ZNF511: variants seen among roughly 807,000 people sequenced by gnomAD.
ZNF511 encodes zinc finger protein 511.
Under a neutral mutation model 24.8 loss-of-function variants are expected in ZNF511, and 26 were observed. That is an observed-to-expected ratio of 1.05 (90% CI 0.77 to 1.46). The LOEUF (loss-of-function observed/expected upper bound fraction) is 1.46. ZNF511 is among the 40% of genes most tolerant of loss of function. The pLI, the probability that ZNF511 is intolerant of heterozygous loss-of-function variation, is 0.00. For synonymous variants in ZNF511, 144 were observed against 139.6 expected, an observed-to-expected ratio of 1.03 and a Z score of -0.22; for missense variants, 358 against 345.0, an observed-to-expected ratio of 1.04 and a Z score of -0.30.
chr10:133,312,072 AC>A, intron 5 of ZNF511: 7 of 1,464,638 alleles, frequency 4.8e-6, no homozygotes, highest in Non-Finnish European at 6.3e-6. Context: ...AATGCCAAGC[AC>A]CACTCACTTT....
At chr10:133,312,621 G>T (rs1848017310) in intron 5 of ZNF511, 167 bp from the exon 6 acceptor site, 32 of 1,513,444 alleles carry the variant, frequency 2.1e-5, no homozygotes, top group South Asian at 4.0e-5. Context: ...CAGGAACTAG[G>T]TCTCAGGCTG....
At chr10:133,310,050 C>T (rs367565498) in intron 3 of ZNF511, 73 bp downstream of exon 3, 26 of 1,608,914 alleles carry the variant, frequency 1.6e-5, no homozygotes, top group Admixed American at 1.2e-4. Context: ...CCCCAGCTCT[C>T]GGGTGCTCGG....
rs570768528 is a variant in ZNF511 at position 133,309,572 on chromosome 10, G to A, written c.227+109G>A. 5.2e-5 allele frequency: 71 copies of A among 1,355,992 alleles called. No homozygotes were observed. The East Asian group carries it at 1.6e-3, about 30-fold the overall frequency. 84.0% of individuals were successfully genotyped at this position (1,355,992 alleles called of 1,614,324 possible). A position where few individuals can be genotyped will look rare whatever the true frequency, so the allele number is the denominator to read the frequency against. ...CTCTTCCATGTGCGGCCGCCCCACCGAGGCGCTGTGCCTGTCCAGCTTTGG... is the reference window on the plus strand; with the variant it reads ...CTCTTCCATGTGCGGCCGCCCCACCAAGGCGCTGTGCCTGTCCAGCTTTGG... On this transcript the variant is annotated intron_variant, in intron 2 of 5. Transcript: ENST00000361518.
chr10:133,309,821 C>T lies in ZNF511; in HGVS notation c.273C>T (p.Phe91=), dbSNP rs763491007. 1.6e-5 allele frequency: 26 copies of T among 1,613,450 alleles called. No homozygotes were observed. The South Asian group carries it at 2.3e-4, about 14-fold the overall frequency. Residue 91 remains phenylalanine (F), a synonymous_variant, in exon 3 of 6, where the codon TTC becomes TTT. Transcript: ENST00000361518. Reference sequence around the variant, plus strand: ...AGGTGGCCGGCTGCTGCCAGGTGTTCGATGCCCTGGACGACTACGAGCACC... The same window carrying T: ...AGGTGGCCGGCTGCTGCCAGGTGTTTGATGCCCTGGACGACTACGAGCACC... The part of the protein sequence containing the change: ...ACQVAGCCQV[F]DALDDYEHHY...
At chr10:133,309,129 A>G (rs745565613) in intron 1 of ZNF511, 33 bp downstream of exon 1, 1 of 1,359,302 alleles carries the variant, frequency 7.4e-7, no homozygotes, top group Non-Finnish European at 9.5e-7. Context: ...AAGTAGTTGT[A>G]GGATCCAGTG....
At chr10:133,309,219 A>T (rs1847924125) in intron 1 of ZNF511, 123 bp downstream of exon 1, 2 of 1,239,836 alleles carry the variant, frequency 1.6e-6, no homozygotes, top group Non-Finnish European at 2.1e-6. Context: ...AGCCTGGGAC[A>T]GGCGGGACCT....
At chr10:133,312,124 G>C in intron 5 of ZNF511, 1 of 1,440,236 alleles carries the variant, frequency 6.9e-7, no homozygotes, top group African/African-American at 1.4e-5. Flanking sequence ...CTCACTTGCA[G>C]TTGCTTCAGT....
chr10:133,310,644 C>T, intron 4 of ZNF511: 1 of 311,182 alleles, frequency 3.2e-6, no homozygotes. Context: ...CCCCTCGGGG[C>T]CGTGTCTGTA....
At chr10:133,309,298 G>T in intron 1 of ZNF511, 92 bp from the exon 2 acceptor site, 1 of 1,475,254 alleles carries the variant, frequency 6.8e-7, no homozygotes, top group South Asian at 1.2e-5. Context: ...ACCGGAGCGC[G>T]GGATGACTGG....
In ZNF511 at chr10:133,311,839, T is replaced by C; in HGVS notation, c.678T>C (p.His226=). Residue 226 remains histidine (H), a splice_region_variant and synonymous_variant, in exon 5 of 6, where the codon CAT becomes CAC. Transcript: ENST00000361518. ...APAGERRIYR[H]RIPSTICFGQ... The stretch of plus-strand genomic sequence containing the variant: ...CAGGTGAGAGGCGGATCTACAGACA[T>C]AGGTCAGTGTCTGAGCTCTTTCTGA... 1.2e-6 allele frequency: 2 copies of C among 1,613,338 alleles called. No individual in the cohort carries two copies. Among genetic ancestry groups the C allele is most frequent in the Non-Finnish European group, 1.7e-6 (2 of 1,180,034 alleles).
intron 4 of ZNF511, 35 bp downstream of exon 4, chr10:133,310,323 T>C (rs1359913956): frequency 6.2e-7 from 1 of 1,611,528 alleles, no homozygotes; most frequent in African/African-American, 1.3e-5. Flanking sequence ...GTGTCTGCTT[T>C]TGATTTTAGG....
Position 133,310,182 on chromosome 10 carries a change from G to A in ZNF511, c.448G>A (p.Gly150Ser), listed in dbSNP as rs1847957600. Residue 150 changes from glycine (G) to serine (S), a missense_variant, in exon 4 of 6, where the codon GGC becomes AGC. Coordinates refer to ENST00000361518, the MANE Select transcript of ZNF511 (RefSeq NM_145806.4). Reference sequence around the variant, plus strand: ...ATTTCAGTATCAGTGCTTGGTAGAAGGCTGCACAGAGAAGTTCAAGACCAG... The same window carrying A: ...ATTTCAGTATCAGTGCTTGGTAGAAAGCTGCACAGAGAAGTTCAAGACCAG... ...RQDMYQCLVE[G>S]CTEKFKTSRD... 1.2e-6 allele frequency: 2 copies of A among 1,613,986 alleles called. No homozygotes were observed. The highest frequency in any genetic ancestry group is 1.1e-5 in the South Asian group (1 of 91,084).
Position 133,310,298 on chromosome 10 carries a change from C to T in ZNF511, c.554+10C>T, listed in dbSNP as rs746442347. Reference sequence around the variant, plus strand: ...CAAAGAAAAGCAGAAGGTAGGGAGCCGCCAGGCTCAGCACGTGTCTGCTTT... The same window carrying T: ...CAAAGAAAAGCAGAAGGTAGGGAGCTGCCAGGCTCAGCACGTGTCTGCTTT... On this transcript the variant is annotated intron_variant, in intron 4 of 5. Coordinates refer to ENST00000361518, the MANE Select transcript of ZNF511 (RefSeq NM_145806.4). 28 of 1,613,754 alleles carry T rather than the reference C, an allele frequency of 1.7e-5. No homozygotes were observed. Among genetic ancestry groups the T allele is most frequent in the Middle Eastern group, 3.3e-4 (2 of 6,062 alleles).
chr10:133,312,828 G>T lies in ZNF511; in HGVS notation c.721G>T (p.Gly241Ter). 6.2e-7 allele frequency: 1 copy of T among 1,614,232 alleles called. No individual in the cohort carries two copies. The highest frequency in any genetic ancestry group is 1.1e-5 in the South Asian group (1 of 91,088). Residue 241 changes from glycine (G) to a stop codon, truncating the protein, a stop_gained, in exon 6 of 6, where the codon GGA becomes TGA. Transcript: ENST00000361518. LOFTEE classifies it high-confidence loss of function. Reference protein sequence around the residue: ...TICFGQGAARGFKSNKKKTKQ... With the variant: ...TICFGQGAAR ...CTGCTTTGGTCAGGGTGCCGCTCGA[G>T]GATTTAAAAGCAACAAGAAGAAAAC...
In ZNF511 at chr10:133,312,967, C is replaced by CCCTCGCCAT. The variant is rs1848025241; in HGVS notation, c.*106_*114dup. 2 of 1,580,578 alleles carry CCCTCGCCAT rather than the reference C, an allele frequency of 1.3e-6. No homozygotes were observed. The highest frequency in any genetic ancestry group is 1.3e-5 in the African/African-American group (1 of 74,164). ...TGGTGTGGCCGCCCTGGGGGCCAGGCCCTCGCCATCCTCCCCATCCTTGTT... is the reference window on the plus strand; with the variant it reads ...TGGTGTGGCCGCCCTGGGGGCCAGGCCCTCGCCATCCTCGCCATCCTCCCCATCCTTGTT... On this transcript the variant is annotated 3_prime_UTR_variant, in exon 6 of 6. Coordinates refer to ENST00000361518, the MANE Select transcript of ZNF511 (RefSeq NM_145806.4).
rs1209947679 is a variant in ZNF511, at chr10:133,308,916, C to T, written c.-28C>T. 3 of 1,212,446 alleles carry T rather than the reference C, an allele frequency of 2.5e-6. No individual in the cohort carries two copies. The highest frequency in any genetic ancestry group is 3.2e-5 in the African/African-American group (2 of 63,438). The allele number at this position is 1,212,446 out of a possible 1,614,324, so 75.1% of individuals were successfully genotyped here. ...GGCTCGGCTCGCGGACGGTGGCCGACAGGCTGCGCCCGCCCGCGCCCGGGG... is the reference window on the plus strand; with the variant it reads ...GGCTCGGCTCGCGGACGGTGGCCGATAGGCTGCGCCCGCCCGCGCCCGGGG... On this transcript the variant is annotated 5_prime_UTR_variant, in exon 1 of 6. Coordinates refer to ENST00000361518, the MANE Select transcript of ZNF511 (RefSeq NM_145806.4).
chr10:133,312,829 GA>G lies in ZNF511; in HGVS notation c.723del (p.Phe242LeufsTer60). ...TGCTTTGGTCAGGGTGCCGCTCGAGGATTTAAAAGCAACAAGAAGAAAACCA... is the reference window on the plus strand; with the variant it reads ...TGCTTTGGTCAGGGTGCCGCTCGAGGTTTAAAAGCAACAAGAAGAAAACCA... The part of the protein sequence containing the change: ...TICFGQGAAR[G>X]FKSNKKKTKQ... On this transcript the variant is annotated frameshift_variant, in exon 6 of 6. Transcript: ENST00000361518. LOFTEE classifies it high-confidence loss of function. The G allele has an allele frequency of 6.2e-7, 1 of 1,614,224 alleles. No individual in the cohort carries two copies. The highest frequency in any genetic ancestry group is 1.1e-5 in the South Asian group (1 of 91,090).
chr10:133,309,369 C>G (rs757684857), intron 1 of ZNF511, 21 bp from the exon 2 acceptor site: 1 of 1,607,716 alleles, frequency 6.2e-7, no homozygotes, highest in Non-Finnish European at 8.5e-7. Context: ...TGGCCCCGCC[C>G]ACGGCGCACT....
chr10:133,310,386 T>C lies in ZNF511; in HGVS notation c.554+98T>C. On this transcript the variant is annotated intron_variant, in intron 4 of 5. Coordinates refer to ENST00000361518, the MANE Select transcript of ZNF511 (RefSeq NM_145806.4). Reference sequence around the variant, plus strand: ...TAGACGGTCAGACTTATTAAGCACTTGTGTGTCACCTAATGGGGTGTTCAC... The same window carrying C: ...TAGACGGTCAGACTTATTAAGCACTCGTGTGTCACCTAATGGGGTGTTCAC... The C allele has an allele frequency of 2.7e-6, 4 of 1,484,676 alleles. No homozygotes were observed. The South Asian group carries it at 4.9e-5, about 18-fold the overall frequency. The allele number at this position is 1,484,676 out of a possible 1,614,324, so 92.0% of individuals were successfully genotyped here.
Sources: gnomAD v4.1 joint callset for allele counts on GRCh38, gnomAD v4.1.1 for gene constraint, MANE v1.5 for transcripts, NCBI Gene and HGNC (gene_info 2026-07-23, HGNC 2026-07-21) for gene names.